The following MGAT5 variants were observed in gnomAD, a reference collection of about 807,000 sequenced individuals.
MGAT5 encodes the protein alpha-1,6-mannosylglycoprotein 6-beta-N-acetylglucosaminyltransferase A.
MGAT5 carries 30 observed loss-of-function variants against 94.3 expected under a neutral mutation model. The observed-to-expected ratio is 0.32, with a 90% CI of 0.24 to 0.43. The LOEUF is 0.43. Among genes scored for constraint, MGAT5 ranks in the 20% least tolerant of loss-of-function variants. The probability of loss-of-function intolerance (pLI) is 1.00; values close to 1 mark genes in which losing one functional copy is unlikely to be tolerated. For synonymous variants in MGAT5, 310 were observed against 322.9 expected, an observed-to-expected ratio of 0.96 and a Z score of 0.43; for missense variants, 691 against 905.5, an observed-to-expected ratio of 0.76 and a Z score of 3.04.
At chr2:134,294,786 G>A (rs1467169708) in intron 2 of MGAT5, among the ~76,000 whole-genome samples, 1 of 152,192 alleles carries the variant, frequency 6.6e-6, no homozygotes, top group Non-Finnish European at 1.5e-5. Flanking sequence ...GTCATAGTCT[G>A]TTCCTCTTCC....
At chr2:134,393,715 A>G (rs1166571259) in intron 10 of MGAT5, among the ~76,000 whole-genome samples, 1 of 152,172 alleles carries the variant, frequency 6.6e-6, no homozygotes, top group East Asian at 1.9e-4. Context: ...ATTATTTTAC[A>G]GTAAATTAAG....
intron 11 of MGAT5, 64 bp from the exon 12 acceptor site, chr2:134,412,805 T>C (rs1018639203): frequency 1.2e-4 from 185 of 1,585,366 alleles, no homozygotes; most frequent in Non-Finnish European, 1.5e-4. Context: ...AAGCTAGGAA[T>C]GCCCGTCCTG....
chr2:134,326,130 A>G (rs528640721), intron 4 of MGAT5, among the ~76,000 whole-genome samples: 3 of 150,600 alleles, frequency 2.0e-5, no homozygotes, highest in Admixed American at 1.3e-4. Context: ...CCTTCTTAAT[A>G]TATCAGGAAT....
intron 1 of MGAT5, among the ~76,000 whole-genome samples, chr2:134,219,168 T>G (rs146452836): frequency 2.4e-3 from 365 of 152,172 alleles, no homozygotes; most frequent in African/African-American, 8.6e-3. Context: ...GTGCAGCGGC[T>G]TCATCAAGGA....
chr2:134,360,578 T>C (rs1680021249), intron 9 of MGAT5, among the ~76,000 whole-genome samples: 1 of 152,042 alleles, frequency 6.6e-6, no homozygotes, highest in African/African-American at 2.4e-5. Context: ...TCCTGAAGTA[T>C]AGTGTCAGGT....
intron 1 of MGAT5, among the ~76,000 whole-genome samples, chr2:134,132,001 A>C (rs1686199812): frequency 6.6e-6 from 1 of 152,146 alleles, no homozygotes. Context: ...TGAATCACCC[A>C]CTGGCTGACC....
intron 9 of MGAT5, among the ~76,000 whole-genome samples, chr2:134,357,586 T>G (rs1440620785): frequency 6.6e-6 from 1 of 152,216 alleles, no homozygotes; most frequent in African/African-American, 2.4e-5. Context: ...AAACTTCCAT[T>G]TTGGCCTTTA....
intron 13 of MGAT5, among the ~76,000 whole-genome samples, chr2:134,426,447 A>G (rs552526410): frequency 4.3e-4 from 65 of 152,280 alleles, no homozygotes; most frequent in African/African-American, 1.5e-3. Context: ...TCATTTTCTA[A>G]TGGATTCCCT....
intron 2 of MGAT5, among the ~76,000 whole-genome samples, chr2:134,297,196 C>CAA (rs143685303): frequency 0.025 from 2,508 of 100,338 alleles, 109 homozygotes; most frequent in East Asian, 0.12. Context: ...GACCTGGTCT[C>CAA]AAAAAAAAAA....
chr2:134,266,691 T>C (rs544989290), intron 1 of MGAT5, among the ~76,000 whole-genome samples: 12 of 152,372 alleles, frequency 7.9e-5, no homozygotes, highest in African/African-American at 2.9e-4. Context: ...ACGTAACACA[T>C]GCTTAATGTG....
chr2:134,158,331 C>G (rs1051998551), intron 1 of MGAT5, among the ~76,000 whole-genome samples: 3 of 152,210 alleles, frequency 2.0e-5, no homozygotes, highest in Admixed American at 2.0e-4. Flanking sequence ...CTCACCCCCT[C>G]TAAGCGCCCC....
chr2:134,424,660 A>C (rs1433827782), intron 13 of MGAT5, among the ~76,000 whole-genome samples: 1 of 152,212 alleles, frequency 6.6e-6, no homozygotes, highest in Non-Finnish European at 1.5e-5. Context: ...ACAGTAGTGC[A>C]AACAACTGAG....
intron 1 of MGAT5, among the ~76,000 whole-genome samples, chr2:134,205,009 A>C (rs1679961832): frequency 6.6e-6 from 1 of 152,184 alleles, no homozygotes; most frequent in African/African-American, 2.4e-5. Flanking sequence ...CTGCAGGAAG[A>C]GTGTTTACAG....
intron 9 of MGAT5, among the ~76,000 whole-genome samples, chr2:134,355,721 G>C (rs554476006): frequency 6.6e-6 from 1 of 152,132 alleles, no homozygotes; most frequent in Non-Finnish European, 1.5e-5. Flanking sequence ...TAAATTTTCC[G>C]GTATTTGGAT....
At chr2:134,194,162 A>C (rs779753670) in intron 1 of MGAT5, among the ~76,000 whole-genome samples, 1 of 152,226 alleles carries the variant, frequency 6.6e-6, no homozygotes, top group Non-Finnish European at 1.5e-5. Flanking sequence ...TTTCTGGAAT[A>C]ATTTCCTGTG....
chr2:134,138,412 C>T (rs1316239173), intron 1 of MGAT5, among the ~76,000 whole-genome samples: 1 of 152,044 alleles, frequency 6.6e-6, no homozygotes, highest in Non-Finnish European at 1.5e-5. Context: ...GTTAAAGTAC[C>T]CATGTGTGGT....
At chr2:134,155,917 C>T (rs938180961) in intron 1 of MGAT5, among the ~76,000 whole-genome samples, 1 of 152,130 alleles carries the variant, frequency 6.6e-6, no homozygotes, top group Non-Finnish European at 1.5e-5. Flanking sequence ...TCCCTGGACC[C>T]CTCAGCTGAG....
chr2:134,126,524 T>C lies in MGAT5; in HGVS notation c.-143+6233T>C, dbSNP rs75004266. Among the ~76,000 whole-genome samples, 535 of 152,322 alleles carry C rather than the reference T, an allele frequency of 3.5e-3. 5 individuals are homozygous for C. The highest frequency in any genetic ancestry group is 0.013 in the African/African-American group (522 of 41,568). ...TTCAGGTTGTTTTTGCCCTGGCCAG[T>C]AGACTCTCTTTAGCAGGCAGCCGAA... On this transcript the variant is annotated intron_variant, in intron 1 of 16. Coordinates refer to the MGAT5 transcript ENST00000409645.
intron 2 of MGAT5, among the ~76,000 whole-genome samples, chr2:134,278,574 A>G (rs1197722537): frequency 6.6e-6 from 1 of 152,218 alleles, no homozygotes. Flanking sequence ...GATAAAATGC[A>G]TATGGCTACT....
Sources: gnomAD v4.1 joint callset for allele counts (sites outside exome capture counted in the v4.1 genomes callset) on GRCh38, gnomAD v4.1.1 for gene constraint, MANE v1.5 for transcripts, NCBI Gene and HGNC (gene_info 2026-07-23, HGNC 2026-07-21) for gene names.